The following ASIC2 variants were observed in gnomAD, a reference collection of about 807,000 sequenced individuals.
ASIC2 encodes acid-sensing ion channel 2.
ASIC2 carries 25 observed loss-of-function variants against 57.3 expected under a neutral mutation model. That is an observed-to-expected ratio of 0.44 (90% CI 0.32 to 0.61). The LOEUF (loss-of-function observed/expected upper bound fraction) is 0.61. ASIC2 is among the 20% of genes least tolerant of loss of function. ASIC2 has a pLI of 0.06. For missense variants in ASIC2, 641 were observed against 738.1 expected (o/e 0.87, Z 1.52); for synonymous variants, 319 against 307.5 (o/e 1.04, Z -0.39).
At chr17:33,660,171 T>G (rs941395431) in intron 1 of ASIC2, among the ~76,000 whole-genome samples, 1 of 152,034 alleles carries the variant, frequency 6.6e-6, no homozygotes, top group East Asian at 1.9e-4. Context: ...TCTGGTTGAG[T>G]CAGTGAGTGA....
intron 1 of ASIC2, among the ~76,000 whole-genome samples, chr17:33,573,961 C>T (rs1428009709): frequency 6.6e-6 from 1 of 152,216 alleles, no homozygotes; most frequent in Non-Finnish European, 1.5e-5. Flanking sequence ...TATTCAGCCA[C>T]GTTGATACAG....
intron 1 of ASIC2, among the ~76,000 whole-genome samples, chr17:33,259,187 C>T (rs1909190463): frequency 6.6e-6 from 1 of 152,094 alleles, no homozygotes; most frequent in East Asian, 1.9e-4. Context: ...AGTTTTGAAA[C>T]ACCAAAGGCA....
intron 1 of ASIC2, among the ~76,000 whole-genome samples, chr17:33,749,778 C>G (rs1910373407): frequency 6.6e-6 from 1 of 152,172 alleles, no homozygotes; most frequent in African/African-American, 2.4e-5. Context: ...CTGTCATGCT[C>G]AGGCCTGTTC....
intron 1 of ASIC2, among the ~76,000 whole-genome samples, chr17:33,219,712 C>T (rs368445310): frequency 6.6e-6 from 1 of 152,136 alleles, no homozygotes; most frequent in Non-Finnish European, 1.5e-5. Context: ...GTTCAAATGG[C>T]GTGGGAATTT....
At chr17:33,437,641 C>G (rs556900484) in intron 1 of ASIC2, among the ~76,000 whole-genome samples, 1 of 152,008 alleles carries the variant, frequency 6.6e-6, no homozygotes, top group Non-Finnish European at 1.5e-5. Context: ...ACTAAAAATA[C>G]AAACATTAGC....
intron 1 of ASIC2, among the ~76,000 whole-genome samples, chr17:33,224,203 C>T (rs955305772): frequency 1.3e-5 from 2 of 152,170 alleles, no homozygotes; most frequent in Admixed American, 6.5e-5. Flanking sequence ...TTAGAATTGG[C>T]GTTCTCTCTG....
At chr17:33,845,076 C>T (rs1913543356) in intron 1 of ASIC2, among the ~76,000 whole-genome samples, 1 of 152,176 alleles carries the variant, frequency 6.6e-6, no homozygotes, top group Admixed American at 6.5e-5. Context: ...AAGCTAGGTT[C>T]AGGAGCTGAA....
chr17:33,486,973 G>A (rs1913595364), intron 1 of ASIC2, among the ~76,000 whole-genome samples: 1 of 152,188 alleles, frequency 6.6e-6, no homozygotes, highest in Admixed American at 6.5e-5. Flanking sequence ...GGTGTGGCGG[G>A]AAAGAGAGGG....
chr17:33,599,619 A>G (rs1462950920), intron 1 of ASIC2, among the ~76,000 whole-genome samples: 1 of 152,188 alleles, frequency 6.6e-6, no homozygotes, highest in Non-Finnish European at 1.5e-5. Context: ...AGGCTGCATA[A>G]TAGGATGTGT....
intron 1 of ASIC2, among the ~76,000 whole-genome samples, chr17:33,566,809 C>T (rs1222240165): frequency 7.2e-5 from 11 of 152,120 alleles, no homozygotes; most frequent in African/African-American, 1.2e-4. Context: ...CAGGGCCCTC[C>T]GTGATCTTTC....
At chr17:33,712,636 C>CTTTTTTT (rs60673332) in intron 1 of ASIC2, among the ~76,000 whole-genome samples, 2 of 63,638 alleles carry the variant, frequency 3.1e-5, no homozygotes, top group African/African-American at 5.8e-5. Flanking sequence ...ACTCATATGG[C>CTTTTTTT]TTTTTTTTTT....
chr17:33,830,157 T>G (rs1913060181), intron 1 of ASIC2, among the ~76,000 whole-genome samples: 1 of 152,190 alleles, frequency 6.6e-6, no homozygotes, highest in Non-Finnish European at 1.5e-5. Flanking sequence ...TCCTCAGATT[T>G]TTTTTTCTTG....
In ASIC2 at chr17:33,656,773, T is replaced by A. The variant is rs115192268; in HGVS notation, c.555+499205A>T. Among the ~76,000 whole-genome samples the A allele has an allele frequency of 4.9e-3, 741 of 152,350 alleles. 7 individuals are homozygous for A. Among genetic ancestry groups the A allele is most frequent in the African/African-American group, 0.017 (691 of 41,576 alleles). On this transcript the variant is annotated intron_variant, in intron 1 of 9. Coordinates refer to the ASIC2 transcript ENST00000359872. Reference sequence around the variant, plus strand: ...TCCTGAGTTATAATCATCTGTTTACTTACTTGTTTCTCTAACAAGCTTATT... The same window carrying A: ...TCCTGAGTTATAATCATCTGTTTACATACTTGTTTCTCTAACAAGCTTATT...
chr17:33,986,456 G>A (rs1273342235), intron 1 of ASIC2, among the ~76,000 whole-genome samples: 1 of 152,134 alleles, frequency 6.6e-6, no homozygotes, highest in Non-Finnish European at 1.5e-5. Flanking sequence ...AATGGCTGCT[G>A]TAGTAACTCA....
chr17:33,035,712 A>G (rs1310814049), intron 3 of ASIC2, among the ~76,000 whole-genome samples: 1 of 152,188 alleles, frequency 6.6e-6, no homozygotes, highest in Non-Finnish European at 1.5e-5. Flanking sequence ...CTCCCCATGC[A>G]ATGGCAGCAA....
chr17:33,831,232 C>T (rs1240475445), intron 1 of ASIC2, among the ~76,000 whole-genome samples: 1 of 150,954 alleles, frequency 6.6e-6, no homozygotes, highest in Non-Finnish European at 1.5e-5. Context: ...TACCTCTTCT[C>T]CTCCCTAGTC....
chr17:33,356,883 T>C lies in ASIC2; in HGVS notation c.556-244816A>G, dbSNP rs1226426100. ...CTCACTGCTGCTGCTGCATGAAGAC[T>C]GTTACAGAGCAAGACATCTCCAGAA... On this transcript the variant is annotated intron_variant, in intron 1 of 9. Coordinates refer to the ASIC2 transcript ENST00000359872. Among the ~76,000 whole-genome samples the C allele has an allele frequency of 2.0e-5, 3 of 152,022 alleles. No homozygotes were observed. The South Asian group carries it at 6.2e-4, about 32-fold the overall frequency.
chr17:33,069,885 G>A (rs989526374), intron 3 of ASIC2, among the ~76,000 whole-genome samples: 3 of 152,002 alleles, frequency 2.0e-5, no homozygotes, highest in African/African-American at 7.3e-5. Flanking sequence ...TGTTATATGT[G>A]TTCTACTAGT....
chr17:33,493,188 T>C (rs771700847), intron 1 of ASIC2, among the ~76,000 whole-genome samples: 4 of 152,204 alleles, frequency 2.6e-5, no homozygotes. Flanking sequence ...CTCCAGGGTA[T>C]GTGCTGGGCT....
Sources: allele counts gnomAD v4.1 joint callset (sites outside exome capture counted in the v4.1 genomes callset), GRCh38; gene constraint gnomAD v4.1.1; transcripts MANE v1.5; gene names NCBI Gene and HGNC (gene_info 2026-07-23, HGNC 2026-07-21).